CCDC3: variants seen among roughly 807,000 people sequenced by gnomAD.
CCDC3 encodes coiled-coil domain containing 3.
A neutral mutation model predicts 21.4 loss-of-function variants in CCDC3; 24 were observed. The observed-to-expected ratio is 1.12, with a 90% confidence interval of 0.81 to 1.58. CCDC3 has a LOEUF of 1.58. CCDC3 is among the 40% of genes most tolerant of loss of function. CCDC3 has a pLI of 0.00. For missense variants in CCDC3, 425 were observed against 360.9 expected (o/e 1.18, Z -1.44); for synonymous variants, 186 against 166.0 (o/e 1.12, Z -0.93).
chr10:13,030,032 A>G (rs1213447221), intron 5 of CCDC3, among the ~76,000 whole-genome samples: 1 of 152,208 alleles, frequency 6.6e-6, no homozygotes, highest in Non-Finnish European at 1.5e-5. Context: ...TCCAAGACAC[A>G]TAATTGTCAG....
chr10:12,919,889 A>T (rs1834421312), intron 2 of CCDC3, among the ~76,000 whole-genome samples: 1 of 152,130 alleles, frequency 6.6e-6, no homozygotes, highest in Non-Finnish European at 1.5e-5. Flanking sequence ...CAGGAAAGAG[A>T]GAGGGAGTTT....
intron 5 of CCDC3, among the ~76,000 whole-genome samples, chr10:13,015,704 C>T (rs560674537): frequency 6.6e-6 from 1 of 152,158 alleles, no homozygotes; most frequent in South Asian, 2.1e-4. Context: ...GAGATAGAAA[C>T]AGACGTGACA....
intron 2 of CCDC3, among the ~76,000 whole-genome samples, chr10:12,952,144 C>T (rs1835018058): frequency 6.6e-6 from 1 of 152,178 alleles, no homozygotes; most frequent in Admixed American, 6.5e-5. Context: ...AAGAAACAGG[C>T]TCATGTGGTT....
intron 4 of CCDC3, among the ~76,000 whole-genome samples, chr10:13,053,498 A>G (rs900085645): frequency 6.6e-6 from 1 of 152,058 alleles, no homozygotes; most frequent in Non-Finnish European, 1.5e-5. Context: ...TTGAGGCTGC[A>G]GTGAGCTAGA....
chr10:13,039,939 G>C (rs1261646468), intron 5 of CCDC3, among the ~76,000 whole-genome samples: 1 of 151,774 alleles, frequency 6.6e-6, no homozygotes, highest in Admixed American at 6.6e-5. Flanking sequence ...CTTCCTGCCT[G>C]AGCTGCCTAT....
At chr10:12,940,946 G>C (rs1396707560) in intron 2 of CCDC3, among the ~76,000 whole-genome samples, 2 of 130,738 alleles carry the variant, frequency 1.5e-5, no homozygotes, top group African/African-American at 6.3e-5. Flanking sequence ...CTTTGCACTT[G>C]TGATACTCTG....
At chr10:13,030,884 A>T (rs1406698546) in intron 5 of CCDC3, among the ~76,000 whole-genome samples, 10 of 152,168 alleles carry the variant, frequency 6.6e-5, no homozygotes, top group Non-Finnish European at 1.5e-4. Flanking sequence ...AGACTCCCAC[A>T]CAATAATAAT....
chr10:12,943,201 G>A lies in CCDC3; in HGVS notation c.550-44522C>T, dbSNP rs574026800. On this transcript the variant is annotated intron_variant, in intron 2 of 2. Transcript: ENST00000378825. ...TTTATGTGTTCTAGGATAATCTTTG[G>A]TTAAAGTTTGTCAGTTTAATGAAAA... 4.6e-5 allele frequency among the ~76,000 whole-genome samples: 7 copies of A among 152,186 alleles called. No individual in the cohort carries two copies. In the East Asian group the frequency reaches 1.4e-3, roughly 29 times the overall value.
intron 2 of CCDC3, among the ~76,000 whole-genome samples, chr10:12,960,768 G>A (rs1212020964): frequency 1.3e-5 from 2 of 152,220 alleles, no homozygotes; most frequent in African/African-American, 2.4e-5. Flanking sequence ...TCGCTTGGCT[G>A]CCTGAGCTCC....
At position 12,976,194 on chromosome 10, in the gene CCDC3, CT is replaced by C. The variant is rs529646133; in HGVS notation, c.549+22143del. Among the ~76,000 whole-genome samples the C allele has an allele frequency of 7.9e-5, 12 of 152,274 alleles. No homozygotes were observed. In the East Asian group the frequency reaches 2.3e-3, roughly 29 times the overall value. On this transcript the variant is annotated intron_variant, in intron 2 of 2. Transcript: ENST00000378825. ...TCCCCTAAGATGGGTGGGCAGAGAG[CT>C]AGGCATGGGCAGCAGGGAAGGGCAA...
At chr10:13,049,028 T>C (rs1019172349) in intron 5 of CCDC3, among the ~76,000 whole-genome samples, 1 of 152,176 alleles carries the variant, frequency 6.6e-6, no homozygotes, top group Admixed American at 6.5e-5. Context: ...TCCTAAGTTG[T>C]TCATGGGAAT....
chr10:12,960,685 T>C (rs73575836), intron 2 of CCDC3, among the ~76,000 whole-genome samples: 2,660 of 152,194 alleles, frequency 0.017, 94 homozygotes, highest in African/African-American at 0.061. Context: ...ATGTGGAAGA[T>C]GGCCAGAGAG....
intron 5 of CCDC3, among the ~76,000 whole-genome samples, chr10:13,038,927 G>A (rs1215616251): frequency 6.6e-6 from 1 of 152,150 alleles, no homozygotes; most frequent in Non-Finnish European, 1.5e-5. Context: ...AGCTCCCATT[G>A]GGCGACTTCT....
intron 2 of CCDC3, among the ~76,000 whole-genome samples, chr10:12,951,419 C>T (rs970657211): frequency 6.6e-6 from 1 of 152,128 alleles, no homozygotes; most frequent in Non-Finnish European, 1.5e-5. Context: ...ATCTACAGGG[C>T]ATGATCCATT....
intron 5 of CCDC3, among the ~76,000 whole-genome samples, chr10:13,015,713 C>T (rs1234964863): frequency 1.3e-5 from 2 of 152,018 alleles, no homozygotes; most frequent in East Asian, 1.9e-4. Context: ...ACAGACGTGA[C>T]ACAATTTCTT....
At chr10:12,933,602 A>G (rs984926526) in intron 2 of CCDC3, among the ~76,000 whole-genome samples, 1 of 151,942 alleles carries the variant, frequency 6.6e-6, no homozygotes, top group Admixed American at 6.6e-5. Flanking sequence ...GCTTACAGAC[A>G]TGCACAACCA....
chr10:13,010,416 T>C (rs1444367955), intron 5 of CCDC3, among the ~76,000 whole-genome samples: 1 of 152,156 alleles, frequency 6.6e-6, no homozygotes, highest in African/African-American at 2.4e-5. Context: ...AAAACCATTA[T>C]GAGATACTCC....
At chr10:13,045,317 T>C (rs11258156) in intron 5 of CCDC3, among the ~76,000 whole-genome samples, 14,508 of 152,264 alleles carry the variant, frequency 0.095, 719 homozygotes, top group African/African-American at 0.12. Context: ...AGTGTTAATA[T>C]GCAATTTATC....
At position 12,987,545 on chromosome 10, in the gene CCDC3, C is replaced by T. The variant is rs74119553; in HGVS notation, c.549+10793G>A. On this transcript the variant is annotated intron_variant, in intron 2 of 2. Coordinates refer to ENST00000378825, the MANE Select transcript of CCDC3 (RefSeq NM_031455.4). ...AACTAACCTCAGAATGGTCAAGTGA[C>T]ACCCAGTTAGAACCCAGAACTCTAT... is the stretch of plus-strand genomic sequence containing the variant. Among the ~76,000 whole-genome samples, 1,156 of 152,268 alleles carry T rather than the reference C, an allele frequency of 7.6e-3. 17 individuals carry two copies. The highest frequency in any genetic ancestry group is 0.027 in the African/African-American group (1,113 of 41,530).
Sources: gnomAD v4.1 joint callset for allele counts (sites outside exome capture counted in the v4.1 genomes callset) on GRCh38, gnomAD v4.1.1 for gene constraint, MANE v1.5 for transcripts, NCBI Gene and HGNC (gene_info 2026-07-23, HGNC 2026-07-21) for gene names.